The following ARHGAP26 variants were observed in gnomAD, a reference collection of about 807,000 sequenced individuals.
The protein encoded by ARHGAP26 is rho GTPase-activating protein 26.
Under a neutral mutation model 104.8 loss-of-function variants are expected in ARHGAP26, and 38 were observed. The ratio of observed to expected loss-of-function variants is 0.36; its 90% CI spans 0.28 to 0.48. The LOEUF is 0.48. Ranked by LOEUF, ARHGAP26 falls within the 20% of genes least tolerant of loss-of-function variation. The pLI is 0.99. For missense variants in ARHGAP26, 704 were observed against 947.9 expected (o/e 0.74, Z 3.38); for synonymous variants, 341 against 340.0 (o/e 1.00, Z -0.03).
At chr5:143,011,303 C>CTTTTTTTTTTTTTTTTTTTTTTT (rs58841045) in intron 11 of ARHGAP26, among the ~76,000 whole-genome samples, 2 of 110,988 alleles carry the variant, frequency 1.8e-5, no homozygotes, top group African/African-American at 3.5e-5. Context: ...TAAACCCCCG[C>CTTTTTTTTTTTTTTTTTTTTTTT]TTTTTTTTTT....
At chr5:143,017,681 C>T (rs888179691) in intron 12 of ARHGAP26, among the ~76,000 whole-genome samples, 2 of 152,158 alleles carry the variant, frequency 1.3e-5, no homozygotes, top group South Asian at 2.1e-4. Context: ...AGGAGCCATT[C>T]GTATTCCTCT....
rs778312827 is a variant in ARHGAP26 at position 143,227,038 on chromosome 5, AAGAC to A, written c.*4596_*4599del. On this transcript the variant is annotated 3_prime_UTR_variant, in exon 23 of 23. Transcript: ENST00000645722. ...AAAGCATTCACAGTTGAGGGGGAGA[AAGAC>A]AGAAAGAAGAAGCCAAAGATAACCT... is the stretch of plus-strand genomic sequence containing the variant. 11 of 229,776 alleles carry A rather than the reference AAGAC, an allele frequency of 4.8e-5. No homozygotes were observed. The highest frequency in any genetic ancestry group is 3.6e-4 in the South Asian group (2 of 5,496). 14.2% of individuals were successfully genotyped at this position (229,776 alleles called of 1,614,324 possible). A position where few individuals can be genotyped will look rare whatever the true frequency, so the allele number is the denominator to read the frequency against.
intron 17 of ARHGAP26, among the ~76,000 whole-genome samples, chr5:143,076,469 A>G (rs1203032871): frequency 6.6e-6 from 1 of 152,144 alleles, no homozygotes; most frequent in African/African-American, 2.4e-5. Flanking sequence ...ACATACTTGT[A>G]TGTTTTGCTA....
chr5:143,039,986 C>T (rs998012590), intron 13 of ARHGAP26, among the ~76,000 whole-genome samples: 8 of 152,090 alleles, frequency 5.3e-5, no homozygotes, highest in African/African-American at 1.9e-4. Flanking sequence ...GGGTATCTCC[C>T]GATTGCAGTG....
chr5:143,048,810 A>T (rs2150203464), intron 14 of ARHGAP26, among the ~76,000 whole-genome samples: 1 of 150,608 alleles, frequency 6.6e-6, no homozygotes, highest in African/African-American at 2.4e-5. Context: ...GCTACTCAGG[A>T]GGCTGAGGCA....
chr5:143,171,698 T>G (rs1802792348), intron 20 of ARHGAP26, among the ~76,000 whole-genome samples: 3 of 152,176 alleles, frequency 2.0e-5, no homozygotes, highest in Admixed American at 2.0e-4. Flanking sequence ...TCCTCCTACA[T>G]TTGCCCATTT....
intron 1 of ARHGAP26, among the ~76,000 whole-genome samples, chr5:142,785,996 TAGAC>T (rs1317906501): frequency 4.6e-5 from 7 of 150,932 alleles, no homozygotes; most frequent in South Asian, 2.1e-4. Flanking sequence ...TTTTTTTAAA[TAGAC>T]AGAGTCTTGT....
chr5:142,949,471 A>G (rs1296470596), intron 11 of ARHGAP26, among the ~76,000 whole-genome samples: 2 of 152,134 alleles, frequency 1.3e-5, no homozygotes, highest in South Asian at 2.1e-4. Context: ...GTTGGGGCCA[A>G]TATTAATGCA....
chr5:142,887,617 C>T (rs1757904898), intron 5 of ARHGAP26, among the ~76,000 whole-genome samples: 2 of 152,298 alleles, frequency 1.3e-5, no homozygotes, highest in South Asian at 4.1e-4. Context: ...CCTAGTCACA[C>T]TTTCTAAGTA....
At chr5:142,928,309 C>T (rs548610436) in intron 10 of ARHGAP26, among the ~76,000 whole-genome samples, 4 of 151,066 alleles carry the variant, frequency 2.6e-5, no homozygotes, top group Admixed American at 1.3e-4. Flanking sequence ...TGGAGAACCA[C>T]TTCTATAGAA....
At chr5:143,163,703 G>A (rs576419446) in intron 20 of ARHGAP26, among the ~76,000 whole-genome samples, 5 of 152,066 alleles carry the variant, frequency 3.3e-5, no homozygotes, top group Admixed American at 6.5e-5. Context: ...CATCCACCTC[G>A]GTCTCCCAAA....
At chr5:142,795,629 C>G (rs1420420277) in intron 1 of ARHGAP26, among the ~76,000 whole-genome samples, 1 of 152,192 alleles carries the variant, frequency 6.6e-6, no homozygotes, top group Non-Finnish European at 1.5e-5. Flanking sequence ...CCCAAATTCC[C>G]TCCGTATCCA....
intron 1 of ARHGAP26, chr5:142,771,432 G>A (rs1212028764): frequency 5.7e-6 from 7 of 1,230,852 alleles, no homozygotes; most frequent in Non-Finnish European, 6.1e-6. Context: ...AGGCCGCCGG[G>A]TTCCCTGGGT....
intron 11 of ARHGAP26, among the ~76,000 whole-genome samples, chr5:142,992,823 A>T (rs1414928304): frequency 6.6e-6 from 1 of 152,196 alleles, no homozygotes; most frequent in African/African-American, 2.4e-5. Flanking sequence ...TTCATAGCTG[A>T]CACTGCTGGG....
chr5:143,148,232 A>G (rs766162368), intron 20 of ARHGAP26, among the ~76,000 whole-genome samples: 19 of 152,222 alleles, frequency 1.2e-4, no homozygotes, highest in Admixed American at 6.5e-5. Flanking sequence ...GACTGTCTTC[A>G]GGGCAGTTGT....
chr5:143,160,060 CTTTT>C (rs200678768), intron 20 of ARHGAP26, among the ~76,000 whole-genome samples: 3 of 133,972 alleles, frequency 2.2e-5, no homozygotes, highest in South Asian at 2.4e-4. Flanking sequence ...AAAGATTTTT[CTTTT>C]TTTTTTTTTT....
At chr5:142,881,857 T>G (rs1472269534) in intron 4 of ARHGAP26, among the ~76,000 whole-genome samples, 1 of 152,082 alleles carries the variant, frequency 6.6e-6, no homozygotes, top group Admixed American at 6.6e-5. Flanking sequence ...CTAAAATTAC[T>G]TTTTCCTCCT....
Position 142,871,426 on chromosome 5 carries a change from G to A in ARHGAP26, c.155-1974G>A, listed in dbSNP as rs1327044173. Among the ~76,000 whole-genome samples, 1 of 152,190 alleles carries A rather than the reference G, an allele frequency of 6.6e-6. No homozygotes were observed. The highest frequency in any genetic ancestry group is 1.5e-5 in the Non-Finnish European group (1 of 68,036). On this transcript the variant is annotated intron_variant, in intron 1 of 22. Coordinates refer to ENST00000645722, the MANE Select transcript of ARHGAP26 (RefSeq NM_001135608.3). This position sits in a 1 kb window ranked among gnomAD's most constrained non-coding sequence, Gnocchi z 4.1. ...GTTTCCACTTTGTTGAGATGATTGA[G>A]TTTCTCTTGCTTATGGGGGAGGCAC...
chr5:143,222,281 A>ACACC (rs1176419629), intron 22 of ARHGAP26, 77 bp from the exon 23 acceptor site: 2 of 844,148 alleles, frequency 2.4e-6, no homozygotes, highest in Non-Finnish European at 3.6e-6. Flanking sequence ...ACACACACAC[A>ACACC]CACCCCACAC....
Sources: allele counts gnomAD v4.1 joint callset (sites outside exome capture counted in the v4.1 genomes callset), GRCh38; gene constraint gnomAD v4.1.1; non-coding constraint Gnocchi (gnomAD v3.1); transcripts MANE v1.5; gene names NCBI Gene and HGNC (gene_info 2026-07-23, HGNC 2026-07-21).